CSMD1: variants seen among roughly 807,000 people sequenced by gnomAD.
CSMD1 encodes CUB and Sushi multiple domains 1, also known as CUB and sushi domain-containing protein 1.
CSMD1 carries 213 observed loss-of-function variants against 417.5 expected under a neutral mutation model. That is an observed-to-expected ratio of 0.51 (90% CI 0.46 to 0.57). CSMD1 has a LOEUF of 0.57. Among genes scored for constraint, CSMD1 ranks in the 20% least tolerant of loss-of-function variants. The probability of loss-of-function intolerance (pLI) is 0.00; values close to 1 mark genes in which losing one functional copy is unlikely to be tolerated. For missense variants in CSMD1, 6,923 were observed against 4,529.7 expected, an observed-to-expected ratio of 1.53 and a Z score of -15.17; for synonymous variants, 2,862 against 1,736.8, an observed-to-expected ratio of 1.65 and a Z score of -16.11.
chr8:3,153,827 G>A (rs1209244950), intron 39 of CSMD1, among the ~76,000 whole-genome samples: 1 of 152,158 alleles, frequency 6.6e-6, no homozygotes, highest in East Asian at 1.9e-4. Flanking sequence ...TGTCAAACAT[G>A]CATCAATCAC....
chr8:4,165,257 T>C (rs56882404), intron 3 of CSMD1, among the ~76,000 whole-genome samples: 12,009 of 152,306 alleles, frequency 0.079, 525 homozygotes, highest in Middle Eastern at 0.17. Flanking sequence ...TGGAGGTCTG[T>C]TGCAGCGAAA....
intron 23 of CSMD1, among the ~76,000 whole-genome samples, chr8:3,326,325 G>A (rs181462352): frequency 6.6e-6 from 1 of 152,296 alleles, no homozygotes; most frequent in East Asian, 1.9e-4. Flanking sequence ...TTGTGTCACT[G>A]TCTTTTCTTA....
chr8:3,393,879 A>T (rs1240547110), intron 17 of CSMD1, among the ~76,000 whole-genome samples: 1 of 150,804 alleles, frequency 6.6e-6, no homozygotes, highest in South Asian at 2.1e-4. Context: ...TAGGAGATAT[A>T]CCTAATGTAA....
chr8:3,521,989 G>A (rs1439224338), intron 10 of CSMD1, among the ~76,000 whole-genome samples: 3 of 152,312 alleles, frequency 2.0e-5, no homozygotes, highest in African/African-American at 2.4e-5. Context: ...TTTCCACACA[G>A]TGTAAACAAG....
chr8:3,641,048 G>C (rs1181543486), intron 7 of CSMD1, among the ~76,000 whole-genome samples: 10 of 20,494 alleles, frequency 4.9e-4, no homozygotes, highest in African/African-American at 1.6e-3. Flanking sequence ...TTTTTTTTTT[G>C]TGAATAATGT....
At chr8:4,031,689 A>G (rs954972728) in intron 4 of CSMD1, among the ~76,000 whole-genome samples, 5 of 152,214 alleles carry the variant, frequency 3.3e-5, no homozygotes, top group Admixed American at 3.3e-4. Context: ...TATTACTTAC[A>G]TACTAACATG....
At chr8:4,541,729 T>C (rs1797397253) in intron 2 of CSMD1, among the ~76,000 whole-genome samples, 1 of 152,062 alleles carries the variant, frequency 6.6e-6, no homozygotes. Flanking sequence ...AGTGAGACCC[T>C]GTCTAAATAA....
At chr8:4,239,536 A>G (rs972759511) in intron 3 of CSMD1, among the ~76,000 whole-genome samples, 4 of 152,150 alleles carry the variant, frequency 2.6e-5, no homozygotes, top group Admixed American at 2.6e-4. Flanking sequence ...GTGGTTCCAA[A>G]GCAGTTCCAG....
chr8:3,466,802 G>T (rs900939773), intron 12 of CSMD1, among the ~76,000 whole-genome samples: 1 of 152,002 alleles, frequency 6.6e-6, no homozygotes, highest in South Asian at 2.1e-4. Flanking sequence ...TACGCATAAA[G>T]GTCACTTTTA....
intron 5 of CSMD1, among the ~76,000 whole-genome samples, chr8:3,991,754 C>T (rs1686493025): frequency 2.0e-5 from 3 of 152,112 alleles, no homozygotes; most frequent in African/African-American, 7.2e-5. Context: ...AATGTGGTCT[C>T]AACTTTTTTA....
chr8:3,317,557 A>C (rs181175551), intron 23 of CSMD1, among the ~76,000 whole-genome samples: 1 of 152,300 alleles, frequency 6.6e-6, no homozygotes, highest in African/African-American at 2.4e-5. Context: ...TGAATAGTTA[A>C]AAAATAAAAA....
At chr8:4,259,772 T>A (rs545011647) in intron 3 of CSMD1, among the ~76,000 whole-genome samples, 28 of 152,288 alleles carry the variant, frequency 1.8e-4, no homozygotes, top group African/African-American at 6.3e-4. Flanking sequence ...AAGAAGAGAT[T>A]AAAAATTTAA....
At chr8:4,119,980 G>C (rs367802363) in intron 3 of CSMD1, among the ~76,000 whole-genome samples, 1 of 152,018 alleles carries the variant, frequency 6.6e-6, no homozygotes, top group African/African-American at 2.4e-5. Context: ...GAATGAATAA[G>C]ACCTAGTATT....
intron 1 of CSMD1, among the ~76,000 whole-genome samples, chr8:4,683,621 G>C (rs552577191): frequency 1.3e-5 from 2 of 152,200 alleles, no homozygotes; most frequent in Non-Finnish European, 2.9e-5. Context: ...TTGAGGAAAT[G>C]ACGAGGAACC....
chr8:4,945,371 C>T (rs139554147), intron 1 of CSMD1, among the ~76,000 whole-genome samples: 1 of 152,020 alleles, frequency 6.6e-6, no homozygotes, highest in East Asian at 1.9e-4. Flanking sequence ...TTCTGAACTG[C>T]CTGCCGAAAA....
chr8:4,881,218 C>T (rs566840697), intron 1 of CSMD1, among the ~76,000 whole-genome samples: 1 of 152,052 alleles, frequency 6.6e-6, no homozygotes, highest in Non-Finnish European at 1.5e-5. Context: ...ATACATAGGT[C>T]CATTCTAGTA....
intron 6 of CSMD1, among the ~76,000 whole-genome samples, chr8:3,723,046 C>A (rs1426591497): frequency 6.6e-6 from 1 of 152,180 alleles, no homozygotes; most frequent in African/African-American, 2.4e-5. Context: ...ACTCAAGGAA[C>A]TAGCGCAGCT....
chr8:4,895,555 A>C (rs193125013), intron 1 of CSMD1, among the ~76,000 whole-genome samples: 1 of 139,090 alleles, frequency 7.2e-6, no homozygotes, highest in East Asian at 1.9e-4. Flanking sequence ...TTACTGATAA[A>C]GAAATTTTGC....
At chr8:3,522,706 A>G (rs887354018) in intron 10 of CSMD1, among the ~76,000 whole-genome samples, 6 of 152,014 alleles carry the variant, frequency 3.9e-5, no homozygotes, top group African/African-American at 1.2e-4. Context: ...GTACATTCAC[A>G]CCGATACTGA....
Sources: gnomAD v4.1 joint callset for allele counts (sites outside exome capture counted in the v4.1 genomes callset) on GRCh38, gnomAD v4.1.1 for gene constraint, MANE v1.5 for transcripts, NCBI Gene and HGNC (gene_info 2026-07-23, HGNC 2026-07-21) for gene names.